AOAH: variants seen among roughly 807,000 people sequenced by gnomAD.
AOAH encodes acyloxyacyl hydrolase (neutrophil).
Under a neutral mutation model 92.2 loss-of-function variants are expected in AOAH, and 64 were observed. That is an observed-to-expected ratio of 0.69 (90% CI 0.57 to 0.86). AOAH has a LOEUF of 0.86. Ranked by LOEUF, AOAH falls within the 40% of genes least tolerant of loss-of-function variation. The pLI is 0.00. For synonymous variants in AOAH, 263 were observed against 254.5 expected (o/e 1.03, Z -0.32); for missense variants, 656 against 694.6 (o/e 0.94, Z 0.62).
At chr7:36,706,576 T>C (rs1321211772) in intron 1 of AOAH, among the ~76,000 whole-genome samples, 2 of 152,212 alleles carry the variant, frequency 1.3e-5, no homozygotes, top group Non-Finnish European at 2.9e-5. Flanking sequence ...TTTGGAGTTT[T>C]GCAGCTGGGT....
intron 1 of AOAH, among the ~76,000 whole-genome samples, chr7:36,689,052 T>C (rs540952345): frequency 6.6e-6 from 1 of 152,302 alleles, no homozygotes; most frequent in Non-Finnish European, 1.5e-5. Context: ...TAAGTTGCAC[T>C]GCAGTGGTTG....
At chr7:36,589,046 T>C in intron 12 of AOAH, among the ~76,000 whole-genome samples, 1 of 140,108 alleles carries the variant, frequency 7.1e-6, no homozygotes, top group Non-Finnish European at 1.5e-5. Flanking sequence ...TTTTAGCTTT[T>C]TACTTTTTTT....
At chr7:36,579,379 C>A (rs1039799635) in intron 12 of AOAH, among the ~76,000 whole-genome samples, 6 of 125,384 alleles carry the variant, frequency 4.8e-5, no homozygotes, top group Admixed American at 2.7e-4. Context: ...CCCGCCCCCC[C>A]CAAATTGTGA....
At chr7:36,704,236 T>C (rs979159475) in intron 1 of AOAH, among the ~76,000 whole-genome samples, 2 of 152,198 alleles carry the variant, frequency 1.3e-5, no homozygotes, top group African/African-American at 4.8e-5. Context: ...AAGTTCCTTG[T>C]AGATTCTGGA....
chr7:36,610,159 CAAA>C (rs71553082), intron 11 of AOAH, among the ~76,000 whole-genome samples: 985 of 49,214 alleles, frequency 0.02, 4 homozygotes, highest in African/African-American at 0.046. Context: ...TCCATAATAG[CAAA>C]AAAAAAAAAA....
chr7:36,667,116 C>T lies in AOAH; in HGVS notation c.290+6827G>A, dbSNP rs531330138. Among the ~76,000 whole-genome samples the T allele has an allele frequency of 1.1e-3, 171 of 152,226 alleles. 1 individual carries two copies. Among genetic ancestry groups the T allele is most frequent in the African/African-American group, 3.1e-3 (129 of 41,542 alleles). On this transcript the variant is annotated intron_variant, in intron 3 of 20. Transcript: ENST00000617537. ...GTTGAGTTCAACTACAGTAGTCCCCCCTTATCTGAAGTTTTAATCTCCATG... is the reference window on the plus strand; with the variant it reads ...GTTGAGTTCAACTACAGTAGTCCCCTCTTATCTGAAGTTTTAATCTCCATG...
intron 13 of AOAH, among the ~76,000 whole-genome samples, chr7:36,574,646 C>G (rs968300427): frequency 6.6e-6 from 1 of 152,294 alleles, no homozygotes; most frequent in East Asian, 1.9e-4. Context: ...GTGTCTTACC[C>G]TAACCTCATA....
At chr7:36,566,200 A>G (rs1787698813) in intron 13 of AOAH, among the ~76,000 whole-genome samples, 1 of 151,984 alleles carries the variant, frequency 6.6e-6, no homozygotes. Context: ...CAATAGCAGA[A>G]GCTCAGTTAG....
At chr7:36,532,959 G>A (rs1348613257) in intron 16 of AOAH, among the ~76,000 whole-genome samples, 1 of 152,168 alleles carries the variant, frequency 6.6e-6, no homozygotes, top group East Asian at 1.9e-4. Flanking sequence ...TGTCTCTGTG[G>A]CACTGGATTA....
intron 1 of AOAH, among the ~76,000 whole-genome samples, chr7:36,712,585 C>A (rs1281926506): frequency 6.6e-6 from 1 of 151,934 alleles, no homozygotes; most frequent in African/African-American, 2.4e-5. Context: ...CATAGTCGAC[C>A]CCTGGGTTAC....
chr7:36,558,834 C>T (rs889897059), intron 13 of AOAH, among the ~76,000 whole-genome samples: 8 of 152,370 alleles, frequency 5.3e-5, no homozygotes, highest in Non-Finnish European at 1.0e-4. Context: ...TGGAAAAGCA[C>T]AGTATTGGGG....
chr7:36,540,180 G>A (rs1027847529), intron 16 of AOAH, 139 bp downstream of exon 16: 17 of 738,424 alleles, frequency 2.3e-5, no homozygotes, highest in Non-Finnish European at 3.3e-5. Flanking sequence ...CTGCACCTAG[G>A]GGCTCTTGCC....
At chr7:36,604,058 A>T (rs558039854) in intron 11 of AOAH, among the ~76,000 whole-genome samples, 1 of 152,322 alleles carries the variant, frequency 6.6e-6, no homozygotes, top group African/African-American at 2.4e-5. Flanking sequence ...TCTGCTTCGT[A>T]AATGGTGCCT....
Position 36,644,118 on chromosome 7 carries a change from C to T in AOAH, c.391-6208G>A, listed in dbSNP as rs564856601. Among the ~76,000 whole-genome samples, 4 of 152,266 alleles carry T rather than the reference C, an allele frequency of 2.6e-5. No homozygotes were observed. In the South Asian group the frequency reaches 8.3e-4, roughly 32 times the overall value. ...TGTAGGAGAGAAGATTGACAGTAAA[C>T]ACTGTAATTAGAAAACAGTTTAGAA... On this transcript the variant is annotated intron_variant, in intron 4 of 20. Transcript: ENST00000617537.
intron 6 of AOAH, among the ~76,000 whole-genome samples, chr7:36,628,468 T>C (rs2116185465): frequency 6.6e-6 from 1 of 152,280 alleles, no homozygotes; most frequent in South Asian, 2.1e-4. Flanking sequence ...CCCTCATTTA[T>C]TCATTGAGCT....
intron 13 of AOAH, among the ~76,000 whole-genome samples, chr7:36,552,641 T>C (rs1183685459): frequency 6.6e-6 from 1 of 152,208 alleles, no homozygotes; most frequent in Non-Finnish European, 1.5e-5. Flanking sequence ...GCATTCCTAT[T>C]TCTCCACAAC....
chr7:36,632,043 T>G lies in AOAH; in HGVS notation c.514A>C (p.Ile172Leu), dbSNP rs1793148051. 5 of 1,611,984 alleles carry G rather than the reference T, an allele frequency of 3.1e-6. No individual in the cohort carries two copies. The highest frequency in any genetic ancestry group is 4.2e-6 in the Non-Finnish European group (5 of 1,178,810). Residue 172 changes from isoleucine to leucine, a missense_variant, in exon 6 of 21, where the codon ATT becomes CTT. By Grantham distance (5) the Ile-to-Leu change is conservative (BLOSUM62 2). Transcript: ENST00000617537. ...LPVLAKICQK[I>L]KLAMEQSVPF... is the part of the protein sequence containing the mutation. The stretch of plus-strand genomic sequence containing the variant: ...TAGAAATTGTATACATACAATTTAA[T>G]TTTCTGGCAGATCTTGGCCAAAACC...
intron 12 of AOAH, among the ~76,000 whole-genome samples, chr7:36,585,133 G>A (rs1789225004): frequency 6.6e-6 from 1 of 151,924 alleles, no homozygotes. Context: ...GTATGAAGGG[G>A]CTGTCTGGAG....
chr7:36,571,374 C>G (rs1788138161), intron 13 of AOAH, among the ~76,000 whole-genome samples: 1 of 152,168 alleles, frequency 6.6e-6, no homozygotes. Context: ...AGCCTCCACC[C>G]CCAGCACATC....
Sources: allele counts gnomAD v4.1 joint callset (sites outside exome capture counted in the v4.1 genomes callset), GRCh38; gene constraint gnomAD v4.1.1; transcripts MANE v1.5; gene names NCBI Gene and HGNC (gene_info 2026-07-23, HGNC 2026-07-21).